The following TENM4 variants were observed in gnomAD, a reference collection of about 807,000 sequenced individuals.
The protein encoded by TENM4 is teneurin-4.
TENM4 carries 82 observed loss-of-function variants against 243.3 expected under a neutral mutation model. That is an observed-to-expected ratio of 0.34 (90% CI 0.28 to 0.40). The LOEUF (loss-of-function observed/expected upper bound fraction) is 0.40, where lower values mean the gene tolerates loss of function less well. Ranked by LOEUF, TENM4 falls within the 10% of genes least tolerant of loss-of-function variation. TENM4 has a pLI of 1.00. For synonymous variants in TENM4, 1,412 were observed against 1,456.3 expected (o/e 0.97, Z 0.69); for missense variants, 3,138 against 3,673.3 (o/e 0.85, Z 3.77).
At chr11:79,154,062 C>T (rs1254842490) in intron 3 of TENM4, among the ~76,000 whole-genome samples, 1 of 152,082 alleles carries the variant, frequency 6.6e-6, no homozygotes, top group African/African-American at 2.4e-5. Context: ...CTTGTTCAAG[C>T]TCCTCAAGAG....
chr11:79,326,055 G>A (rs1398381718), intron 1 of TENM4, among the ~76,000 whole-genome samples: 2 of 152,330 alleles, frequency 1.3e-5, no homozygotes, highest in East Asian at 1.9e-4. Context: ...CACCCCCAGA[G>A]AGCAAACGTG....
intron 28 of TENM4, among the ~76,000 whole-genome samples, chr11:78,689,865 C>A (rs1001031338): frequency 6.6e-6 from 1 of 152,226 alleles, no homozygotes; most frequent in Non-Finnish European, 1.5e-5. Context: ...AATATATCAC[C>A]CCTGTTTTTG....
At chr11:79,200,166 C>T (rs1266386612) in intron 3 of TENM4, among the ~76,000 whole-genome samples, 1 of 152,226 alleles carries the variant, frequency 6.6e-6, no homozygotes, top group Non-Finnish European at 1.5e-5. Flanking sequence ...ATGCACCGTG[C>T]TCTGTCTCTA....
At chr11:79,220,685 T>A in intron 2 of TENM4, among the ~76,000 whole-genome samples, 1 of 152,234 alleles carries the variant, frequency 6.6e-6, no homozygotes, top group Non-Finnish European at 1.5e-5. Context: ...GTCCTTCAGC[T>A]AGCTCTTATG....
intron 3 of TENM4, among the ~76,000 whole-genome samples, chr11:79,167,885 G>GA (rs1174778398): frequency 1.3e-5 from 2 of 152,200 alleles, no homozygotes; most frequent in African/African-American, 4.8e-5. Context: ...TGCATGTAGA[G>GA]ATTTAAAAAA....
chr11:78,862,849 C>T (rs77880351), intron 10 of TENM4, 113 bp downstream of exon 10: 78,864 of 1,123,220 alleles, frequency 0.07, 3,054 homozygotes, highest in Middle Eastern at 0.091. Context: ...ATGGAGGGAG[C>T]GCCAGAGCAT....
At chr11:78,926,009 G>A (rs1442672630) in intron 6 of TENM4, among the ~76,000 whole-genome samples, 1 of 151,702 alleles carries the variant, frequency 6.6e-6, no homozygotes, top group East Asian at 1.9e-4. Context: ...TATAACCAAT[G>A]ACTACCTATT....
chr11:78,670,377 G>C lies in TENM4; in HGVS notation c.5968C>G (p.Gln1990Glu). The C allele has an allele frequency of 6.2e-7, 1 of 1,613,942 alleles. No individual in the cohort carries two copies. Among genetic ancestry groups the C allele is most frequent in the Admixed American group, 1.7e-5 (1 of 60,012 alleles). Residue 1990 changes from glutamine to glutamate, a missense_variant, in exon 32 of 34, where the codon CAG (glutamine) becomes GAG (glutamate). Around this residue, in one of 2 missense-constraint regions of TENM4, gnomAD observed 2,467 missense variants for 3,059.1 expected, o/e 0.81. Transcript: ENST00000278550. Reference sequence around the variant, plus strand: ...AGGTGCCCATCCTCAGTGAAGTCCTGTATGACTGAGGCATTGCCCTCAGGG... The same window carrying C: ...AGGTGCCCATCCTCAGTGAAGTCCTCTATGACTGAGGCATTGCCCTCAGGG... ...QPPEGNASVIQDFTEDGHLLH... is the reference protein window; with the variant it reads ...QPPEGNASVIEDFTEDGHLLH...
intron 12 of TENM4, among the ~76,000 whole-genome samples, chr11:78,815,051 G>T (rs954592780): frequency 6.6e-6 from 1 of 152,092 alleles, no homozygotes; most frequent in African/African-American, 2.4e-5. Flanking sequence ...CTCCCCATTT[G>T]CTAAGATGAA....
chr11:78,731,077 TAATA>T (rs781217784), intron 21 of TENM4, among the ~76,000 whole-genome samples: 4 of 152,196 alleles, frequency 2.6e-5, no homozygotes, highest in Non-Finnish European at 5.9e-5. Context: ...ATGAATCTGA[TAATA>T]AGCAAGATTT....
chr11:79,138,855 A>ATAAAATATATATTATATTT (rs1307439630), intron 4 of TENM4, among the ~76,000 whole-genome samples: 7 of 119,904 alleles, frequency 5.8e-5, no homozygotes, highest in South Asian at 4.8e-4. Flanking sequence ...ATATAAATAT[A>ATAAAATATATATTATATTT]CAAAATATAC....
rs181848480 is a variant in TENM4, at chr11:79,325,675, A to C, written c.-320-28132T>G. On this transcript the variant is annotated intron_variant, in intron 1 of 33. Transcript: ENST00000278550. ...ATTATGAGCAAAGGCTCACTGTAGG[A>C]AAGTACCCAGTACCCAGTACTCTAC... Among the ~76,000 whole-genome samples, 368 of 152,348 alleles carry C rather than the reference A, an allele frequency of 2.4e-3. 1 individual carries two copies. Among genetic ancestry groups the C allele is most frequent in the Non-Finnish European group, 4.1e-3 (279 of 68,036 alleles).
intron 10 of TENM4, among the ~76,000 whole-genome samples, chr11:78,859,281 A>G (rs1017219783): frequency 2.6e-5 from 4 of 152,196 alleles, no homozygotes; most frequent in African/African-American, 9.7e-5. Flanking sequence ...GTCTCAAAAC[A>G]TTCATGAGAA....
chr11:78,737,003 T>C (rs1855814793), intron 20 of TENM4, among the ~76,000 whole-genome samples: 1 of 152,180 alleles, frequency 6.6e-6, no homozygotes. Context: ...ACTGAACTTA[T>C]GCCAGACTCG....
intron 9 of TENM4, among the ~76,000 whole-genome samples, chr11:78,882,121 G>C (rs768452650): frequency 6.6e-6 from 1 of 152,192 alleles, no homozygotes; most frequent in South Asian, 2.1e-4. Flanking sequence ...AAAGAGAAAG[G>C]AGGGAAAATG....
chr11:79,143,084 T>C (rs1442902392), intron 4 of TENM4, among the ~76,000 whole-genome samples: 3 of 152,124 alleles, frequency 2.0e-5, no homozygotes, highest in Admixed American at 6.6e-5. Flanking sequence ...GGTGGGAGTG[T>C]AAACTAGTTC....
chr11:79,259,237 A>G (rs59864376), intron 2 of TENM4, among the ~76,000 whole-genome samples: 1,720 of 152,306 alleles, frequency 0.011, 37 homozygotes, highest in African/African-American at 0.039. Context: ...TACAGAATGT[A>G]AAGTGTAAAG....
intron 2 of TENM4, among the ~76,000 whole-genome samples, chr11:79,221,658 C>A (rs1258331641): frequency 6.6e-6 from 1 of 151,930 alleles, no homozygotes. Context: ...CTGTCCTGAA[C>A]GTCAAAGAGC....
chr11:79,426,572 G>A (rs1859059083), intron 1 of TENM4, among the ~76,000 whole-genome samples: 1 of 152,254 alleles, frequency 6.6e-6, no homozygotes, highest in South Asian at 2.1e-4. Flanking sequence ...GGTGGTAGCA[G>A]TGGAGAGCAT....
Sources: gnomAD v4.1 joint callset for allele counts (sites outside exome capture counted in the v4.1 genomes callset) on GRCh38, gnomAD v4.1.1 for gene constraint, gnomAD v4.1.1 regional missense constraint, MANE v1.5 for transcripts, NCBI Gene and HGNC (gene_info 2026-07-23, HGNC 2026-07-21) for gene names.